The following DYNC1LI1 variants were observed in gnomAD, a reference collection of about 807,000 sequenced individuals.
DYNC1LI1 encodes the protein cytoplasmic dynein 1 light intermediate chain 1.
In DYNC1LI1, 19 loss-of-function variants were observed where a neutral mutation model predicts 63.8. That is an observed-to-expected ratio of 0.30 (90% confidence interval 0.21 to 0.44). The LOEUF (loss-of-function observed/expected upper bound fraction) is 0.44. DYNC1LI1 is among the 20% of genes least tolerant of loss of function. DYNC1LI1 has a pLI of 1.00. For synonymous variants in DYNC1LI1, 225 were observed against 232.3 expected (o/e 0.97, Z 0.28); for missense variants, 565 against 630.2 (o/e 0.90, Z 1.11).
In DYNC1LI1 at chr3:32,570,298, C is replaced by G. The variant is rs776528982; in HGVS notation, c.220+48G>C. On this transcript the variant is annotated intron_variant, in intron 2 of 12. Transcript: ENST00000273130. The stretch of plus-strand genomic sequence containing the variant: ...GAGCTAGCCCGCGGACCAGGTACCC[C>G]GGGCCGCTGGGGGCCGGGCGGGGCG... 20 of 1,472,716 alleles carry G rather than the reference C, an allele frequency of 1.4e-5. No homozygotes were observed. The Admixed American group carries it at 3.6e-4, about 27-fold the overall frequency. 91.2% of individuals were successfully genotyped at this position (1,472,716 alleles called of 1,614,324 possible).
At position 32,570,706 on chromosome 3, in the gene DYNC1LI1, G is replaced by T. The variant is rs1411440598; in HGVS notation, c.65C>A (p.Thr22Asn). 6.2e-7 allele frequency: 1 copy of T among 1,609,652 alleles called. No individual in the cohort carries two copies. The highest frequency in any genetic ancestry group is 1.3e-5 in the African/African-American group (1 of 74,448). ...SSPPGLSSTY[T>N]GGPLGNEIAS... Reference sequence around the variant, plus strand: ...TATCTCGTTGCCCAAGGGGCCGCCAGTGTAAGTCGAGGATAATCCCGGCGG... The same window carrying T: ...TATCTCGTTGCCCAAGGGGCCGCCATTGTAAGTCGAGGATAATCCCGGCGG... The change falls in exon 1 of 13, where the codon ACT (threonine) becomes AAT (asparagine). Residue 22 changes from threonine to asparagine, a missense_variant. By Grantham distance (65) the Thr-to-Asn change is moderately conservative (BLOSUM62 0). Transcript: ENST00000273130.
chr3:32,553,228 A>C (rs931531862), intron 2 of DYNC1LI1, among the ~76,000 whole-genome samples: 12 of 152,080 alleles, frequency 7.9e-5, no homozygotes, highest in African/African-American at 2.9e-4. Context: ...CCAGCTACTC[A>C]GGAGGCTGAG....
rs1697875362 is a variant in DYNC1LI1, at chr3:32,541,144, T to C, written c.631A>G (p.Arg211Gly). Reference sequence around the variant, plus strand: ...TTGTCTTCTTGTGACGCAGTATTTCTTCTCTGGGGAGAAGCCGGGAAGTCT... The same window carrying C: ...TTGTCTTCTTGTGACGCAGTATTTCCTCTCTGGGGAGAAGCCGGGAAGTCT... ...GEDFPASPQR[R>G]NTASQEDKDD... The change falls in exon 5 of 13, where the codon AGA becomes GGA. Residue 211 changes from arginine (R) to glycine (G), a missense_variant. By Grantham distance (125) the Arg-to-Gly change is moderately radical. Coordinates refer to ENST00000273130, the MANE Select transcript of DYNC1LI1 (RefSeq NM_016141.4). 1 of 1,613,418 alleles carries C rather than the reference T, an allele frequency of 6.2e-7. No individual in the cohort carries two copies.
At chr3:32,549,560 A>G (rs565093324) in intron 2 of DYNC1LI1, among the ~76,000 whole-genome samples, 32 of 152,278 alleles carry the variant, frequency 2.1e-4, no homozygotes, top group African/African-American at 7.2e-4. Context: ...CCTAGTGCCC[A>G]GCCTTATAAC....
In DYNC1LI1 at chr3:32,542,376, CA is replaced by C. The variant is rs138236212; in HGVS notation, c.569-1171del. On this transcript the variant is annotated intron_variant, in intron 4 of 12. Transcript: ENST00000273130. The stretch of plus-strand genomic sequence containing the variant: ...TCAGCATCCCAAAGTGTTGGGATAA[CA>C]GAGGTGAGCCACTGTGACCGGCTAT... 8.0e-3 allele frequency among the ~76,000 whole-genome samples: 1,206 copies of C among 151,654 alleles called. 11 individuals carry two copies. Among genetic ancestry groups the C allele is most frequent in the African/African-American group, 0.028 (1,151 of 41,312 alleles).
chr3:32,556,281 C>G (rs1698114086), intron 2 of DYNC1LI1, among the ~76,000 whole-genome samples: 2 of 152,202 alleles, frequency 1.3e-5, no homozygotes, highest in African/African-American at 4.8e-5. Context: ...TTTGTGCTCT[C>G]AATAGCACAC....
chr3:32,543,805 C>T (rs1294747266), intron 4 of DYNC1LI1, among the ~76,000 whole-genome samples: 1 of 151,576 alleles, frequency 6.6e-6, no homozygotes, highest in Non-Finnish European at 1.5e-5. Flanking sequence ...TGGCTCATGC[C>T]TGTAATCCCA....
intron 12 of DYNC1LI1, among the ~76,000 whole-genome samples, chr3:32,527,222 G>A (rs1459501495): frequency 1.3e-5 from 2 of 152,080 alleles, no homozygotes; most frequent in African/African-American, 4.8e-5. Flanking sequence ...GCTTGAACCC[G>A]GCAGGTGGAG....
intron 4 of DYNC1LI1, 121 bp downstream of exon 4, chr3:32,544,755 A>C (rs1255786796): frequency 1.4e-6 from 1 of 711,058 alleles, no homozygotes; most frequent in East Asian, 2.7e-5. Context: ...AAAAAAAAAA[A>C]AAAGTACTTA....
intron 5 of DYNC1LI1, among the ~76,000 whole-genome samples, chr3:32,539,637 G>A (rs556298262): frequency 1.3e-5 from 2 of 151,780 alleles, no homozygotes; most frequent in South Asian, 2.1e-4. Flanking sequence ...CCAGGTTCAC[G>A]CCATTCTCCT....
At chr3:32,541,960 G>A (rs539158305) in intron 4 of DYNC1LI1, among the ~76,000 whole-genome samples, 2 of 152,182 alleles carry the variant, frequency 1.3e-5, no homozygotes, top group South Asian at 2.1e-4. Flanking sequence ...GATTAAAATA[G>A]TATATGAGAA....
intron 2 of DYNC1LI1, among the ~76,000 whole-genome samples, chr3:32,550,074 A>G (rs575285031): frequency 1.1e-4 from 16 of 152,292 alleles, no homozygotes; most frequent in African/African-American, 3.6e-4. Context: ...TTTTAGTTTA[A>G]CTAATCTCTA....
intron 2 of DYNC1LI1, among the ~76,000 whole-genome samples, chr3:32,568,399 C>T (rs1698297472): frequency 6.6e-6 from 1 of 152,096 alleles, no homozygotes; most frequent in Non-Finnish European, 1.5e-5. Flanking sequence ...TTAGCTCCTT[C>T]CAAAGCTGAA....
chr3:32,533,233 G>C (rs867099784), intron 7 of DYNC1LI1, 136 bp from the exon 8 acceptor site: 1 of 1,326,082 alleles, frequency 7.5e-7, no homozygotes, highest in Non-Finnish European at 9.7e-7. Context: ...TTTTCATTAT[G>C]ATGTCCACGT....
chr3:32,541,129 G>GTGACGCAGTATT lies in DYNC1LI1; in HGVS notation c.634_645dup (p.Asn212_Ser215dup). ...ACTACACTGTCATCTTTGTCTTCTT[G>GTGACGCAGTATT]TGACGCAGTATTTCTTCTCTGGGGA... On this transcript the variant is annotated inframe_insertion, in exon 5 of 13. Coordinates refer to ENST00000273130, the MANE Select transcript of DYNC1LI1 (RefSeq NM_016141.4). The GTGACGCAGTATT allele has an allele frequency of 6.2e-7, 1 of 1,613,590 alleles. No individual in the cohort carries two copies. Among genetic ancestry groups the GTGACGCAGTATT allele is most frequent in the Non-Finnish European group, 8.5e-7 (1 of 1,179,664 alleles).
intron 2 of DYNC1LI1, 95 bp downstream of exon 2, chr3:32,570,251 T>A (rs1261610208): frequency 2.0e-6 from 2 of 1,017,466 alleles, no homozygotes; most frequent in Admixed American, 4.1e-5. Context: ...CTGGGCCGGC[T>A]GTCCGCACAA....
chr3:32,542,408 A>ATTTTT (rs35822448), intron 4 of DYNC1LI1, among the ~76,000 whole-genome samples: 1 of 133,730 alleles, frequency 7.5e-6, no homozygotes, highest in Non-Finnish European at 1.6e-5. Context: ...GCTATTTTCA[A>ATTTTT]TTTTTTTTTT....
rs1454421879 is a variant in DYNC1LI1, at chr3:32,526,762, T to A, written c.*37A>T. 3 of 1,472,362 alleles carry A rather than the reference T, an allele frequency of 2.0e-6. No individual in the cohort carries two copies. In the South Asian group the frequency reaches 3.4e-5, roughly 17 times the overall value. The allele number at this position is 1,472,362 out of a possible 1,614,324, so 91.2% of individuals were successfully genotyped here. On this transcript the variant is annotated 3_prime_UTR_variant, in exon 13 of 13. Transcript: ENST00000273130. The stretch of plus-strand genomic sequence containing the variant: ...AAAAGGCAGAGGCATGTTTACATTA[T>A]CCCAGAAAACAGAATAAATGGCTTT...
At chr3:32,547,588 A>G (rs80198207) in intron 2 of DYNC1LI1, among the ~76,000 whole-genome samples, 3,985 of 152,308 alleles carry the variant, frequency 0.026, 85 homozygotes, top group Non-Finnish European at 0.037. Flanking sequence ...CAAGTGATGC[A>G]GACAGAACAG....
Sources: gnomAD v4.1 joint callset for allele counts (sites outside exome capture counted in the v4.1 genomes callset) on GRCh38, gnomAD v4.1.1 for gene constraint, MANE v1.5 for transcripts, NCBI Gene and HGNC (gene_info 2026-07-23, HGNC 2026-07-21) for gene names.